Variants in NEBL observed in about 807,000 individuals in gnomAD.
NEBL encodes the protein LIM and SH3 protein 2.
In NEBL, 122 loss-of-function variants were observed where a neutral mutation model predicts 140.2. The ratio of observed to expected loss-of-function variants is 0.87; its 90% CI spans 0.75 to 1.01. NEBL has a LOEUF of 1.01. Among genes scored for constraint, NEBL ranks in the 50% least tolerant of loss-of-function variants. The probability of loss-of-function intolerance (pLI) is 0.00; values close to 1 mark genes in which losing one functional copy is unlikely to be tolerated. For synonymous variants in NEBL, 436 were observed against 398.9 expected, an observed-to-expected ratio of 1.09 and a Z score of -1.11; for missense variants, 1,365 against 1,231.3, an observed-to-expected ratio of 1.11 and a Z score of -1.62.
At chr10:20,978,376 G>A (rs1836888277) in intron 3 of NEBL, among the ~76,000 whole-genome samples, 1 of 151,752 alleles carries the variant, frequency 6.6e-6, no homozygotes, top group Non-Finnish European at 1.5e-5. Flanking sequence ...AAGGCCATTT[G>A]TGAGTCTATC....
At chr10:21,181,643 C>T (rs184686316) in intron 3 of NEBL, among the ~76,000 whole-genome samples, 2 of 152,306 alleles carry the variant, frequency 1.3e-5, no homozygotes, top group East Asian at 1.9e-4. Context: ...GAGCTTCTTG[C>T]GACACCACGT....
chr10:21,000,345 T>G (rs1272795106), intron 3 of NEBL, among the ~76,000 whole-genome samples: 1 of 152,042 alleles, frequency 6.6e-6, no homozygotes, highest in East Asian at 1.9e-4. Flanking sequence ...GAGTGCTAGC[T>G]GGATGGGGTG....
At chr10:20,967,867 C>T (rs140455213) in intron 3 of NEBL, among the ~76,000 whole-genome samples, 11 of 152,042 alleles carry the variant, frequency 7.2e-5, no homozygotes, top group African/African-American at 1.9e-4. Flanking sequence ...AACTATCTCA[C>T]GATAAGAATA....
At chr10:21,180,370 G>A (rs534698278) in intron 3 of NEBL, among the ~76,000 whole-genome samples, 26 of 152,220 alleles carry the variant, frequency 1.7e-4, no homozygotes, top group Middle Eastern at 3.4e-3. Context: ...AAAGGGAGAT[G>A]GTATGATTCC....
intron 13 of NEBL, among the ~76,000 whole-genome samples, chr10:20,837,601 A>T (rs1841021533): frequency 6.6e-6 from 1 of 152,226 alleles, no homozygotes; most frequent in Non-Finnish European, 1.5e-5. Flanking sequence ...TAATTAATGA[A>T]GGTAGCTACA....
intron 5 of NEBL, 66 bp from the exon 6 acceptor site, chr10:20,869,907 G>A (rs1844747790): frequency 9.6e-7 from 1 of 1,044,520 alleles, no homozygotes; most frequent in Admixed American, 1.7e-5. Flanking sequence ...ACTAGTCTTA[G>A]TGTTCATAAC....
chr10:21,047,316 C>A (rs1362266048), intron 2 of NEBL, among the ~76,000 whole-genome samples: 8 of 152,174 alleles, frequency 5.3e-5, no homozygotes, highest in African/African-American at 1.9e-4. Context: ...AATACTTGAA[C>A]AAGTCACATC....
At chr10:20,801,556 T>C (rs557748308) in intron 26 of NEBL, among the ~76,000 whole-genome samples, 10 of 152,258 alleles carry the variant, frequency 6.6e-5, no homozygotes, top group African/African-American at 2.4e-4. Context: ...CTGAGCACAA[T>C]GGTTTTATGC....
At chr10:21,106,229 G>C (rs1335652644) in intron 2 of NEBL, among the ~76,000 whole-genome samples, 1 of 152,210 alleles carries the variant, frequency 6.6e-6, no homozygotes, top group South Asian at 2.1e-4. Context: ...TTGTTGCCAT[G>C]CTTTTGGTGT....
chr10:21,281,821 C>T (rs916221568), intron 1 of NEBL, among the ~76,000 whole-genome samples: 1 of 152,196 alleles, frequency 6.6e-6, no homozygotes, highest in African/African-American at 2.4e-5. Context: ...TGTCCTCCCC[C>T]TTCTCATCCC....
chr10:20,970,977 T>C (rs540963138), intron 3 of NEBL, among the ~76,000 whole-genome samples: 1 of 152,364 alleles, frequency 6.6e-6, no homozygotes, highest in Admixed American at 6.5e-5. Flanking sequence ...TTTCTTAGTA[T>C]AGGATGCCAA....
Position 20,959,886 on chromosome 10 carries a change from T to A in NEBL, c.357+1786A>T, listed in dbSNP as rs140249442. ...GGTGCTTTTTATACTGCTGTCTATA[T>A]AACATATTATATATGATAAATATAG... is the stretch of plus-strand genomic sequence containing the variant. On this transcript the variant is annotated intron_variant, in intron 4 of 6. Coordinates refer to the NEBL transcript ENST00000417816. 5.6e-3 allele frequency among the ~76,000 whole-genome samples: 858 copies of A among 152,172 alleles called. 4 individuals carry two copies. Among genetic ancestry groups the A allele is most frequent in the African/African-American group, 0.02 (822 of 41,532 alleles).
chr10:21,146,286 T>C, intron 2 of NEBL: 1 of 1,391,314 alleles, frequency 7.2e-7, no homozygotes, highest in South Asian at 1.3e-5. Context: ...CATCACCACG[T>C]GGCCCTGTCT....
chr10:21,060,000 G>T (rs1421372984), intron 2 of NEBL, among the ~76,000 whole-genome samples: 1 of 152,150 alleles, frequency 6.6e-6, no homozygotes, highest in Non-Finnish European at 1.5e-5. Context: ...ACATTAATTT[G>T]TCATACAGCC....
chr10:20,987,048 G>C (rs1302793164), intron 3 of NEBL, among the ~76,000 whole-genome samples: 1 of 152,088 alleles, frequency 6.6e-6, no homozygotes, highest in African/African-American at 2.4e-5. Context: ...ACATTTCTCA[G>C]GTATTTGCTA....
Position 21,072,515 on chromosome 10 carries a change from T to C in NEBL, c.165-52314A>G, listed in dbSNP as rs544339937. 3.9e-5 allele frequency among the ~76,000 whole-genome samples: 6 copies of C among 152,338 alleles called. No individual in the cohort carries two copies. In the South Asian group the frequency reaches 1.2e-3, roughly 32 times the overall value. On this transcript the variant is annotated intron_variant, in intron 2 of 6. Coordinates refer to the NEBL transcript ENST00000417816. ...CTTCTGGAACAAGTGGTAGGGCAAC[T>C]AACAGGCATAGTGTATAGAGGTCAT...
At chr10:21,069,617 T>G (rs1443050482) in intron 2 of NEBL, among the ~76,000 whole-genome samples, 1 of 152,168 alleles carries the variant, frequency 6.6e-6, no homozygotes, top group Admixed American at 6.5e-5. Context: ...ATTCTGCACT[T>G]TGGAGCATTT....
intron 4 of NEBL, among the ~76,000 whole-genome samples, chr10:20,929,876 T>C (rs1191551922): frequency 6.6e-6 from 1 of 152,128 alleles, no homozygotes; most frequent in Non-Finnish European, 1.5e-5. Context: ...CTGTGCAATA[T>C]ATGTATTTAA....
intron 2 of NEBL, among the ~76,000 whole-genome samples, chr10:21,067,810 C>T (rs1300158931): frequency 6.6e-6 from 1 of 151,864 alleles, no homozygotes; most frequent in Admixed American, 6.6e-5. Flanking sequence ...GAACTTGTCT[C>T]TACCAAAAAA....
Sources: allele counts gnomAD v4.1 joint callset (sites outside exome capture counted in the v4.1 genomes callset), GRCh38; gene constraint gnomAD v4.1.1; transcripts MANE v1.5; gene names NCBI Gene and HGNC (gene_info 2026-07-23, HGNC 2026-07-21).